Variants in ITPR2 observed in about 807,000 individuals in gnomAD.
ITPR2 encodes the protein inositol 1,4,5-trisphosphate receptor type 2.
Under a neutral mutation model 317.1 loss-of-function variants are expected in ITPR2, and 207 were observed. That is an observed-to-expected ratio of 0.65 (90% CI 0.58 to 0.73). The LOEUF (loss-of-function observed/expected upper bound fraction) is 0.73, where lower values mean the gene tolerates loss of function less well. Among genes scored for constraint, ITPR2 ranks in the 30% least tolerant of loss-of-function variants. ITPR2 has a pLI of 0.00. For missense variants in ITPR2, 2,613 were observed against 3,284.0 expected (o/e 0.80, Z 4.99); for synonymous variants, 1,156 against 1,149.1 (o/e 1.01, Z -0.12).
intron 26 of ITPR2, among the ~76,000 whole-genome samples, chr12:26,611,548 GC>G (rs775973620): frequency 1.5e-4 from 23 of 152,104 alleles, no homozygotes; most frequent in Non-Finnish European, 3.1e-4. Flanking sequence ...GGGTGACAGA[GC>G]GAGACCCATC....
At chr12:26,665,497 C>T (rs909274100) in intron 14 of ITPR2, among the ~76,000 whole-genome samples, 2 of 152,192 alleles carry the variant, frequency 1.3e-5, no homozygotes, top group African/African-American at 4.8e-5. Flanking sequence ...ACTGATGTTA[C>T]TTCTAAGATT....
chr12:26,622,157 T>C, intron 25 of ITPR2, 83 bp downstream of exon 25: 1 of 1,276,386 alleles, frequency 7.8e-7, no homozygotes, highest in Non-Finnish European at 1.1e-6. Flanking sequence ...TGTCATTACC[T>C]CTGCAGCCAT....
intron 55 of ITPR2, among the ~76,000 whole-genome samples, chr12:26,377,588 G>A (rs535666347): frequency 6.6e-6 from 1 of 152,094 alleles, no homozygotes; most frequent in Non-Finnish European, 1.5e-5. Context: ...TTCCCTACCT[G>A]TTCTCCAATA....
intron 47 of ITPR2, among the ~76,000 whole-genome samples, chr12:26,438,865 C>A (rs1216000415): frequency 1.3e-5 from 2 of 152,142 alleles, no homozygotes; most frequent in Non-Finnish European, 2.9e-5. Flanking sequence ...TTCAACCCTG[C>A]ATTTCATAAC....
In ITPR2 at chr12:26,600,071, A is replaced by G; in HGVS notation, c.3717T>C (p.His1239=). 1.2e-6 allele frequency: 2 copies of G among 1,605,708 alleles called. No homozygotes were observed. Among genetic ancestry groups the G allele is most frequent in the Non-Finnish European group, 1.7e-6 (2 of 1,172,804 alleles). ...EKMNEVMNLA[H]TFLQNFCRGN... ...CTCGACAGAAATTCTGCAGAAATGT[A>G]TGGGCTAGATTCATTACTTCATTCA... Residue 1239 remains histidine, a synonymous_variant, in exon 29 of 57, where the codon CAT becomes CAC. Coordinates refer to ENST00000381340, the MANE Select transcript of ITPR2 (RefSeq NM_002223.4).
intron 13 of ITPR2, among the ~76,000 whole-genome samples, chr12:26,681,579 A>C (rs1468991173): frequency 3.9e-5 from 6 of 152,230 alleles, no homozygotes. Context: ...CATGCGCAGC[A>C]AAAGGTATTG....
At chr12:26,411,713 G>A (rs1233685488) in intron 51 of ITPR2, among the ~76,000 whole-genome samples, 2 of 152,066 alleles carry the variant, frequency 1.3e-5, no homozygotes, top group Non-Finnish European at 2.9e-5. Flanking sequence ...GTTTCCATGG[G>A]CAAACTCATT....
At chr12:26,369,207 G>C (rs1306453588) in intron 55 of ITPR2, among the ~76,000 whole-genome samples, 1 of 152,200 alleles carries the variant, frequency 6.6e-6, no homozygotes, top group Non-Finnish European at 1.5e-5. Flanking sequence ...AAGAAGGTTC[G>C]GGTTTATTCT....
intron 45 of ITPR2, among the ~76,000 whole-genome samples, chr12:26,472,549 T>C (rs1384108986): frequency 1.3e-5 from 2 of 152,144 alleles, no homozygotes; most frequent in Non-Finnish European, 1.5e-5. Flanking sequence ...ATTGATATCA[T>C]TGATTTATCT....
chr12:26,699,592 T>C (rs1278491677), intron 9 of ITPR2, among the ~76,000 whole-genome samples: 1 of 152,128 alleles, frequency 6.6e-6, no homozygotes, highest in Non-Finnish European at 1.5e-5. Flanking sequence ...TTTTAAATAA[T>C]TAACATAGAG....
At position 26,624,373 on chromosome 12, in the gene ITPR2, T is replaced by C; in HGVS notation, c.3065-17A>G. The C allele has an allele frequency of 6.3e-7, 1 of 1,575,688 alleles. No homozygotes were observed. Among genetic ancestry groups the C allele is most frequent in the Non-Finnish European group, 8.7e-7 (1 of 1,150,678 alleles). ...GAACAATAGCTGCAAAGATAAATGG[T>C]AAAATCTCTTCTTTATCCTATTTTA... On this transcript the variant is annotated splice_polypyrimidine_tract_variant and intron_variant, in intron 23 of 56. Coordinates refer to ENST00000381340, the MANE Select transcript of ITPR2 (RefSeq NM_002223.4).
chr12:26,619,822 CACTT>C (rs1396879050), intron 26 of ITPR2, among the ~76,000 whole-genome samples: 3 of 152,194 alleles, frequency 2.0e-5, no homozygotes, highest in South Asian at 2.1e-4. Context: ...TTAACTGACA[CACTT>C]ACCACGTGCA....
At chr12:26,738,012 C>G (rs752804155) in intron 2 of ITPR2, among the ~76,000 whole-genome samples, 18 of 152,166 alleles carry the variant, frequency 1.2e-4, no homozygotes, top group Non-Finnish European at 2.6e-4. Flanking sequence ...ACAACACACA[C>G]ACACACGCAC....
At chr12:26,620,394 G>A (rs752865265) in intron 26 of ITPR2, among the ~76,000 whole-genome samples, 6 of 152,132 alleles carry the variant, frequency 3.9e-5, no homozygotes, top group Non-Finnish European at 8.8e-5. Context: ...AGCTAAGGCA[G>A]GTAAACCCAT....
intron 50 of ITPR2, among the ~76,000 whole-genome samples, chr12:26,416,946 T>C (rs1940738891): frequency 6.6e-6 from 1 of 152,152 alleles, no homozygotes; most frequent in African/African-American, 2.4e-5. Flanking sequence ...TAAAAATGCA[T>C]ATGCCTGGGT....
At chr12:26,588,923 T>C (rs762216211) in intron 32 of ITPR2, among the ~76,000 whole-genome samples, 47 of 152,184 alleles carry the variant, frequency 3.1e-4, no homozygotes, top group Non-Finnish European at 6.3e-4. Flanking sequence ...ATTGGAAACA[T>C]CTTCAAAGAA....
At chr12:26,433,946 T>C (rs913137251) in intron 48 of ITPR2, among the ~76,000 whole-genome samples, 2 of 152,208 alleles carry the variant, frequency 1.3e-5, no homozygotes, top group African/African-American at 4.8e-5. Flanking sequence ...AATTTTCTTT[T>C]ATAAAAGATA....
chr12:26,731,477 C>A (rs567691977), intron 2 of ITPR2, among the ~76,000 whole-genome samples: 25 of 152,082 alleles, frequency 1.6e-4, no homozygotes, highest in Non-Finnish European at 3.5e-4. Context: ...AAGGGGCAGG[C>A]AGACAAGGGG....
intron 55 of ITPR2, among the ~76,000 whole-genome samples, chr12:26,383,648 TA>T (rs1379756566): frequency 2.4e-5 from 3 of 126,770 alleles, no homozygotes; most frequent in Admixed American, 1.6e-4. Context: ...CACGCCTGGC[TA>T]ATTTTTTTTT....
Sources: gnomAD v4.1 joint callset for allele counts (sites outside exome capture counted in the v4.1 genomes callset) on GRCh38, gnomAD v4.1.1 for gene constraint, MANE v1.5 for transcripts, NCBI Gene and HGNC (gene_info 2026-07-23, HGNC 2026-07-21) for gene names.